The following FAM184A variants were observed in gnomAD, a reference collection of about 807,000 sequenced individuals.
FAM184A encodes the protein family with sequence similarity 184 member A.
FAM184A carries 99 observed loss-of-function variants against 143.8 expected under a neutral mutation model. That is an observed-to-expected ratio of 0.69 (90% confidence interval 0.58 to 0.81). The LOEUF is 0.81. Among genes scored for constraint, FAM184A ranks in the 40% least tolerant of loss-of-function variants. FAM184A has a pLI of 0.00. For synonymous variants in FAM184A, 427 were observed against 446.4 expected, an observed-to-expected ratio of 0.96 and a Z score of 0.55; for missense variants, 1,217 against 1,310.5, an observed-to-expected ratio of 0.93 and a Z score of 1.10.
intron 1 of FAM184A, among the ~76,000 whole-genome samples, chr6:119,117,417 C>T (rs554591380): frequency 2.0e-5 from 3 of 152,218 alleles, no homozygotes; most frequent in African/African-American, 4.8e-5. Context: ...TAGTCCTTTT[C>T]GTACTTAAAG....
rs116816538 is a variant in FAM184A at position 119,054,723 on chromosome 6, G to A, written c.159+23418C>T. Among the ~76,000 whole-genome samples the A allele has an allele frequency of 1.6e-3, 237 of 152,140 alleles. 2 individuals are homozygous for A. Among genetic ancestry groups the A allele is most frequent in the African/African-American group, 4.8e-3 (200 of 41,498 alleles). On this transcript the variant is annotated intron_variant, in intron 1 of 17. Transcript: ENST00000338891. The stretch of plus-strand genomic sequence containing the variant: ...TCTTAACCGTCACTAAACCTAAGTG[G>A]CCCACCAAATCTGTGAAGTTATATG...
chr6:119,003,696 G>C (rs1784836862), intron 7 of FAM184A, 74 bp from the exon 8 acceptor site: 1 of 1,406,820 alleles, frequency 7.1e-7, no homozygotes. Flanking sequence ...AATAAGTAAA[G>C]TGCTTGTATT....
intron 4 of FAM184A, among the ~76,000 whole-genome samples, chr6:119,017,879 G>C (rs192532947): frequency 6.6e-6 from 1 of 152,210 alleles, no homozygotes; most frequent in African/African-American, 2.4e-5. Flanking sequence ...TGTGAGATCT[G>C]GTTGTTTAAA....
chr6:119,108,034 G>C (rs561509617), intron 1 of FAM184A, among the ~76,000 whole-genome samples: 1 of 152,180 alleles, frequency 6.6e-6, no homozygotes, highest in East Asian at 1.9e-4. Flanking sequence ...TCTCCAGAGA[G>C]CAGAATCAGG....
intron 1 of FAM184A, among the ~76,000 whole-genome samples, chr6:119,132,222 T>A (rs1289696199): frequency 6.6e-6 from 1 of 152,214 alleles, no homozygotes; most frequent in Non-Finnish European, 1.5e-5. Flanking sequence ...ATTTCTCTCA[T>A]AATAATCAAT....
At position 118,979,455 on chromosome 6, in the gene FAM184A, TG is replaced by T; in HGVS notation, c.2364del (p.His788GlnfsTer10). 1 of 1,613,940 alleles carries T rather than the reference TG, an allele frequency of 6.2e-7. No individual in the cohort carries two copies. Among genetic ancestry groups the T allele is most frequent in the Non-Finnish European group, 8.5e-7 (1 of 1,179,864 alleles). The stretch of plus-strand genomic sequence containing the variant: ...ATCCGGAAGCCCTCCATTGACTCTC[TG>T]TGTGCATCTTTTAGTGATTGAAGCT... Reference protein sequence around the residue: ...SAELQSLKDAHRESMEGFRIE... With the variant: ...SAELQSLKDAXRESMEGFRIE... On this transcript the variant is annotated frameshift_variant, in exon 11 of 18. Coordinates refer to ENST00000338891, the MANE Select transcript of FAM184A (RefSeq NM_024581.6). LOFTEE classifies it high-confidence loss of function.
chr6:118,961,720 TAAA>T, intron 17 of FAM184A, 38 bp downstream of exon 17: 1 of 1,533,908 alleles, frequency 6.5e-7, no homozygotes. Flanking sequence ...TTTCTCAAGT[TAAA>T]AAAGAAAAGA....
intron 1 of FAM184A, among the ~76,000 whole-genome samples, chr6:119,121,063 G>A (rs1483053513): frequency 2.0e-5 from 3 of 151,242 alleles, no homozygotes; most frequent in Non-Finnish European, 4.4e-5. Flanking sequence ...TCCCACATTG[G>A]CCACTCAAAG....
Position 118,980,193 on chromosome 6 carries a change from T to G in FAM184A, c.2246A>C (p.Glu749Ala), listed in dbSNP as rs1421642024. 6.2e-7 allele frequency: 1 copy of G among 1,614,224 alleles called. No homozygotes were observed. The highest frequency in any genetic ancestry group is 2.2e-5 in the East Asian group (1 of 44,886). Residue 749 changes from glutamate (E) to alanine (A), a missense_variant, in exon 10 of 18, where the codon GAA (glutamate) becomes GCA (alanine). By Grantham distance (107) the Glu-to-Ala change is moderately radical. Transcript: ENST00000338891. ...QHQQRHKSLK[E>A]AHVLAFQTME... ...AGTTTGAAATGCAAGGACATGTGCT[T>G]CTTTTAATGATTTGTGTCTTTGCTG...
At chr6:118,971,710 G>T (rs1170096834) in intron 14 of FAM184A, among the ~76,000 whole-genome samples, 1 of 152,144 alleles carries the variant, frequency 6.6e-6, no homozygotes, top group African/African-American at 2.4e-5. Context: ...CACCAAAGCG[G>T]ATTTGTAATA....
At chr6:119,062,952 G>C (rs1252082140) in intron 1 of FAM184A, among the ~76,000 whole-genome samples, 1 of 152,072 alleles carries the variant, frequency 6.6e-6, no homozygotes, top group African/African-American at 2.4e-5. Flanking sequence ...ATTCTAGAGG[G>C]TACATTTAAC....
chr6:119,135,461 T>G (rs750628181), intron 1 of FAM184A, among the ~76,000 whole-genome samples: 21 of 152,198 alleles, frequency 1.4e-4, no homozygotes, highest in Non-Finnish European at 2.5e-4. Context: ...TTAGACAATC[T>G]TTTTGTAAAA....
intron 1 of FAM184A, among the ~76,000 whole-genome samples, chr6:119,045,911 T>C (rs1221212396): frequency 3.9e-5 from 6 of 152,188 alleles, no homozygotes; most frequent in Non-Finnish European, 8.8e-5. Context: ...CCCTGGAATG[T>C]CCTCCTTTTG....
chr6:119,104,799 G>GA (rs1788735490), intron 1 of FAM184A, among the ~76,000 whole-genome samples: 1 of 152,148 alleles, frequency 6.6e-6, no homozygotes, highest in Non-Finnish European at 1.5e-5. Context: ...TTAGAGTGCA[G>GA]AAAGCTACTA....
chr6:119,002,759 G>T, intron 9 of FAM184A, 140 bp downstream of exon 9: 1 of 725,432 alleles, frequency 1.4e-6, no homozygotes, highest in Non-Finnish European at 2.1e-6. Context: ...CATCTTCCTG[G>T]TTTTATGTAT....
intron 8 of FAM184A, 107 bp downstream of exon 8, chr6:119,003,394 T>C (rs1784823377): frequency 1.8e-6 from 2 of 1,091,304 alleles, no homozygotes; most frequent in Non-Finnish European, 1.3e-6. Flanking sequence ...GAAATTTTAA[T>C]TTAAAATACT....
rs113908144 is a variant in FAM184A, at chr6:118,982,723, G to A, written c.2089-2373C>T. Reference sequence around the variant, plus strand: ...TACCTACTTCAAAATTTGCTGAATCGACAGACCTCTCATACGTTAATTTGA... The same window carrying A: ...TACCTACTTCAAAATTTGCTGAATCAACAGACCTCTCATACGTTAATTTGA... On this transcript the variant is annotated intron_variant, in intron 9 of 17. Coordinates refer to ENST00000338891, the MANE Select transcript of FAM184A (RefSeq NM_024581.6). Among the ~76,000 whole-genome samples, 176 of 152,262 alleles carry A rather than the reference G, an allele frequency of 1.2e-3. 2 individuals are homozygous for A. The highest frequency in any genetic ancestry group is 4.1e-3 in the African/African-American group (171 of 41,544).
intron 1 of FAM184A, among the ~76,000 whole-genome samples, chr6:119,090,741 C>T (rs142712705): frequency 6.6e-6 from 1 of 152,288 alleles, no homozygotes; most frequent in African/African-American, 2.4e-5. Flanking sequence ...TCCACCCATT[C>T]CAGATTTTTT....
intron 1 of FAM184A, among the ~76,000 whole-genome samples, chr6:119,057,699 A>C (rs1787041618): frequency 6.6e-6 from 1 of 152,172 alleles, no homozygotes; most frequent in South Asian, 2.1e-4. Flanking sequence ...GCCGTGATTG[A>C]GCCTGTGCAC....
Sources: gnomAD v4.1 joint callset for allele counts (sites outside exome capture counted in the v4.1 genomes callset) on GRCh38, gnomAD v4.1.1 for gene constraint, MANE v1.5 for transcripts, NCBI Gene and HGNC (gene_info 2026-07-23, HGNC 2026-07-21) for gene names.